SRGAP3: variants seen among roughly 807,000 people sequenced by gnomAD.
SRGAP3 encodes the protein SLIT-ROBO Rho GTPase activating protein 3.
A neutral mutation model predicts 121.1 loss-of-function variants in SRGAP3; 39 were observed. The ratio of observed to expected loss-of-function variants is 0.32; its 90% CI spans 0.25 to 0.42. SRGAP3 has a LOEUF of 0.42. SRGAP3 is among the 10% of genes least tolerant of loss of function. The pLI is 1.00. For synonymous variants in SRGAP3, 601 were observed against 570.0 expected (o/e 1.05, Z -0.77); for missense variants, 1,213 against 1,470.6 (o/e 0.82, Z 2.86).
chr3:9,173,174 G>A (rs1484568278), intron 1 of SRGAP3, among the ~76,000 whole-genome samples: 4 of 152,190 alleles, frequency 2.6e-5, no homozygotes, highest in East Asian at 1.9e-4. Flanking sequence ...CTGCTTCAGC[G>A]GCAACAGGGC....
intron 3 of SRGAP3, among the ~76,000 whole-genome samples, chr3:9,311,858 A>G (rs940317129): frequency 3.3e-5 from 5 of 152,208 alleles, no homozygotes; most frequent in Non-Finnish European, 5.9e-5. Flanking sequence ...ACCCTGCTGT[A>G]ATACTAGAAA....
In SRGAP3 at chr3:9,214,203, C is replaced by A. The variant is rs367742455; in HGVS notation, c.67+34682G>T. On this transcript the variant is annotated intron_variant, in intron 1 of 21. Transcript: ENST00000383836. ...CACACGATCACTGGTAACCAGAACA[C>A]AACAGAAGCTTAATAAATATTTTCT... Among the ~76,000 whole-genome samples, 22 of 151,470 alleles carry A rather than the reference C, an allele frequency of 1.5e-4. No individual in the cohort carries two copies. The South Asian group carries it at 3.8e-3, about 26-fold the overall frequency.
chr3:9,314,946 A>T (rs1417906490), intron 3 of SRGAP3, among the ~76,000 whole-genome samples: 1 of 152,158 alleles, frequency 6.6e-6, no homozygotes, highest in Non-Finnish European at 1.5e-5. Flanking sequence ...TGAACTCCAG[A>T]CCAGCCTTGG....
intron 3 of SRGAP3, among the ~76,000 whole-genome samples, chr3:9,096,972 TATATATATAC>T (rs1209565076): frequency 5.2e-4 from 50 of 96,782 alleles, no homozygotes; most frequent in East Asian, 9.4e-4. Flanking sequence ...TATATATATA[TATATATATAC>T]ACATACACAC....
chr3:9,107,967 A>T (rs1307121822), intron 2 of SRGAP3, among the ~76,000 whole-genome samples: 1 of 152,210 alleles, frequency 6.6e-6, no homozygotes, highest in Non-Finnish European at 1.5e-5. Flanking sequence ...AAATGGTCAG[A>T]AGTCAGAGAG....
chr3:9,066,896 T>A (rs555193199), intron 4 of SRGAP3, among the ~76,000 whole-genome samples: 1 of 152,330 alleles, frequency 6.6e-6, no homozygotes, highest in East Asian at 1.9e-4. Context: ...ATATTGTAGA[T>A]CATGGAAGGT....
chr3:9,036,138 A>C (rs1944731183), intron 11 of SRGAP3: 1 of 152,208 alleles, frequency 6.6e-6, no homozygotes, highest in Admixed American at 6.5e-5. Flanking sequence ...TAAGGTTCTG[A>C]AGTGTGAGAA....
chr3:9,338,165 A>C (rs754679438), intron 1 of SRGAP3, among the ~76,000 whole-genome samples: 1 of 152,226 alleles, frequency 6.6e-6, no homozygotes, highest in Non-Finnish European at 1.5e-5. Context: ...TTAGCAATCC[A>C]GGTCTGAAGT....
intron 3 of SRGAP3, among the ~76,000 whole-genome samples, chr3:9,299,359 CAAAAAA>C (rs35608018): frequency 1.3e-4 from 12 of 91,254 alleles, no homozygotes; most frequent in African/African-American, 5.4e-4. Flanking sequence ...GACTCCGTCC[CAAAAAA>C]AAAAAAAAAA....
chr3:9,174,130 GAATCCAC>G (rs1278701478), intron 1 of SRGAP3, among the ~76,000 whole-genome samples: 1 of 152,228 alleles, frequency 6.6e-6, no homozygotes, highest in Non-Finnish European at 1.5e-5. Context: ...AATCGTGTAA[GAATCCAC>G]TTATATGAGG....
At chr3:9,030,353 AG>A (rs1944421729) in intron 12 of SRGAP3, among the ~76,000 whole-genome samples, 1 of 152,232 alleles carries the variant, frequency 6.6e-6, no homozygotes, top group African/African-American at 2.4e-5. Context: ...CCAGTGGAAC[AG>A]CCCCACTGTA....
intron 3 of SRGAP3, among the ~76,000 whole-genome samples, chr3:9,319,473 G>C (rs1049173387): frequency 9.9e-5 from 15 of 152,040 alleles, no homozygotes; most frequent in African/African-American, 3.1e-4. Flanking sequence ...GCAAGGGCCA[G>C]AATGGGTGGT....
intron 1 of SRGAP3, chr3:9,216,652 G>A (rs1952640094): frequency 1.3e-5 from 2 of 152,572 alleles, no homozygotes; most frequent in African/African-American, 2.4e-5. Context: ...GACAGGCTCC[G>A]ATGTAATGGA....
chr3:9,093,812 C>G (rs1575064703), intron 3 of SRGAP3, among the ~76,000 whole-genome samples: 1 of 152,312 alleles, frequency 6.6e-6, no homozygotes, highest in South Asian at 2.1e-4. Context: ...ATTCAAGAAC[C>G]TTCAATGGAT....
At position 9,060,056 on chromosome 3, in the gene SRGAP3, A is replaced by G. The variant is rs540767172; in HGVS notation, c.801+175T>C. On this transcript the variant is annotated intron_variant, in intron 6 of 21. Coordinates refer to ENST00000383836, the MANE Select transcript of SRGAP3 (RefSeq NM_014850.4). ...CTCGTGAAAATAGACACCACGAGGT[A>G]ACATTCATTTTCCACCTCCCCAAAT... 7 of 978,988 alleles carry G rather than the reference A, an allele frequency of 7.2e-6. No homozygotes were observed. The African/African-American group carries it at 8.0e-5, about 11-fold the overall frequency. The allele number at this position is 978,988 out of a possible 1,614,324, so 60.6% of individuals were successfully genotyped here. A position where few individuals can be genotyped will look rare whatever the true frequency, so the allele number is the denominator to read the frequency against.
chr3:9,070,202 C>A (rs931591975), intron 4 of SRGAP3, among the ~76,000 whole-genome samples: 1 of 152,226 alleles, frequency 6.6e-6, no homozygotes, highest in African/African-American at 2.4e-5. Context: ...CAAACAGAAT[C>A]TGGAAGTTGA....
chr3:9,118,389 A>T (rs1290916255), intron 2 of SRGAP3, among the ~76,000 whole-genome samples: 1 of 152,182 alleles, frequency 6.6e-6, no homozygotes, highest in East Asian at 1.9e-4. Flanking sequence ...TCATTTGGAC[A>T]AGACCATCCA....
chr3:9,189,495 C>T (rs1360136754), intron 1 of SRGAP3, among the ~76,000 whole-genome samples: 1 of 152,178 alleles, frequency 6.6e-6, no homozygotes, highest in Non-Finnish European at 1.5e-5. Context: ...TATTCAAGAT[C>T]ATAGATTATT....
chr3:9,064,383 G>A lies in SRGAP3; in HGVS notation c.672+13C>T, dbSNP rs762226884. The A allele has an allele frequency of 5.6e-6, 9 of 1,614,026 alleles. No individual in the cohort carries two copies. The East Asian group carries it at 1.6e-4, about 28-fold the overall frequency. ...CTGTCCCCAATCGCTCCCAGCCCAG[G>A]GCCCCCACTCACCTTCTCCTTCATC... On this transcript the variant is annotated intron_variant, in intron 5 of 21. Transcript: ENST00000383836.
Sources: gnomAD v4.1 joint callset for allele counts (sites outside exome capture counted in the v4.1 genomes callset) on GRCh38, gnomAD v4.1.1 for gene constraint, MANE v1.5 for transcripts, NCBI Gene and HGNC (gene_info 2026-07-23, HGNC 2026-07-21) for gene names.